JARID2: variants seen among roughly 807,000 people sequenced by gnomAD.
JARID2 encodes protein Jumonji.
JARID2 carries 21 observed loss-of-function variants against 125.6 expected under a neutral mutation model. The ratio of observed to expected loss-of-function variants is 0.17; its 90% CI spans 0.12 to 0.24. JARID2 has a LOEUF of 0.24. Ranked by LOEUF, JARID2 falls within the 10% of genes least tolerant of loss-of-function variation. JARID2 has a pLI of 1.00. For missense variants in JARID2, 1,303 were observed against 1,639.6 expected (o/e 0.79, Z 3.55); for synonymous variants, 736 against 661.6 (o/e 1.11, Z -1.73).
intron 1 of JARID2, chr6:15,247,801 G>C (rs559501424): frequency 1.0e-6 from 1 of 985,376 alleles, no homozygotes; most frequent in East Asian, 1.1e-4. Flanking sequence ...AAATAATCAA[G>C]CCCAACTTAG....
chr6:15,361,185 C>T (rs2127495467), intron 1 of JARID2, among the ~76,000 whole-genome samples: 1 of 152,308 alleles, frequency 6.6e-6, no homozygotes. Flanking sequence ...TCAGCCTTCT[C>T]TTGGCCCAGT....
chr6:15,352,801 A>G (rs889215974), intron 1 of JARID2, among the ~76,000 whole-genome samples: 2 of 152,214 alleles, frequency 1.3e-5, no homozygotes, highest in African/African-American at 2.4e-5. Context: ...GTACAGTGGA[A>G]TAAGTTTTGT....
intron 17 of JARID2, among the ~76,000 whole-genome samples, chr6:15,518,670 CAG>C (rs1771682445): frequency 1.3e-5 from 2 of 152,162 alleles, no homozygotes; most frequent in South Asian, 4.1e-4. Flanking sequence ...TTAGTAGAGA[CAG>C]GGTTTTACCA....
chr6:15,295,340 C>T (rs1268633622), intron 1 of JARID2, among the ~76,000 whole-genome samples: 1 of 152,074 alleles, frequency 6.6e-6, no homozygotes, highest in Non-Finnish European at 1.5e-5. Flanking sequence ...CCAGGATGGT[C>T]TTGATCTCCT....
chr6:15,487,218 G>A (rs1561896758), intron 5 of JARID2, 89 bp from the exon 6 acceptor site: 3 of 1,054,880 alleles, frequency 2.8e-6, no homozygotes, highest in Non-Finnish European at 2.8e-6. Context: ...ATGAGATTTG[G>A]GTGGGGACAC....
intron 3 of JARID2, among the ~76,000 whole-genome samples, chr6:15,430,227 G>T (rs571963498): frequency 6.6e-6 from 1 of 152,278 alleles, no homozygotes; most frequent in East Asian, 1.9e-4. Context: ...TTAGGTACAA[G>T]ATGTACTTTT....
At position 15,351,670 on chromosome 6, in the gene JARID2, T is replaced by C. The variant is rs707837; in HGVS notation, c.46-22447T>C. ...TTCACCACTGGATTTAATTTGCTCTTCTTGGGGAAGTGACCAATGTATGGA... is the reference window on the plus strand; with the variant it reads ...TTCACCACTGGATTTAATTTGCTCTCCTTGGGGAAGTGACCAATGTATGGA... On this transcript the variant is annotated intron_variant, in intron 1 of 17. Transcript: ENST00000341776. 1.4e-3 allele frequency among the ~76,000 whole-genome samples: 220 copies of C among 152,330 alleles called. 1 individual carries two copies. The highest frequency in any genetic ancestry group is 2.8e-3 in the Non-Finnish European group (192 of 68,030).
At position 15,405,968 on chromosome 6, in the gene JARID2, C is replaced by CG. The variant is rs551651237; in HGVS notation, c.182-4249dup. 2.4e-3 allele frequency among the ~76,000 whole-genome samples: 360 copies of CG among 151,932 alleles called. 1 individual carries two copies. The highest frequency in any genetic ancestry group is 7.9e-3 in the African/African-American group (325 of 41,394). ...CAGTACAGTGGAGATTGGTCGCCAG[C>CG]GGGGGGGTTAGATAAAGAAAAAGCC... On this transcript the variant is annotated intron_variant, in intron 2 of 17. Coordinates refer to ENST00000341776, the MANE Select transcript of JARID2 (RefSeq NM_004973.4).
intron 2 of JARID2, among the ~76,000 whole-genome samples, chr6:15,377,697 T>C (rs1046434333): frequency 7.0e-6 from 1 of 142,250 alleles, no homozygotes; most frequent in African/African-American, 2.6e-5. Context: ...ATGGTGGCAC[T>C]TTTTTTTTTT....
intron 1 of JARID2, among the ~76,000 whole-genome samples, chr6:15,341,206 A>ATT (rs1763059650): frequency 6.6e-6 from 1 of 152,216 alleles, no homozygotes; most frequent in Non-Finnish European, 1.5e-5. Context: ...ATTCATGCAG[A>ATT]AATAATGCCT....
chr6:15,419,636 TATAG>T (rs1295185993), intron 3 of JARID2, among the ~76,000 whole-genome samples: 2 of 152,206 alleles, frequency 1.3e-5, no homozygotes, highest in African/African-American at 2.4e-5. Context: ...CTTCATTTCT[TATAG>T]ATATTTTTGC....
intron 12 of JARID2, among the ~76,000 whole-genome samples, chr6:15,509,760 C>G (rs749405042): frequency 6.6e-6 from 1 of 152,170 alleles, no homozygotes; most frequent in Non-Finnish European, 1.5e-5. Flanking sequence ...GAGTTTCTTC[C>G]GTGTGGGTTT....
At chr6:15,263,074 T>TGTGTG (rs1759945321) in intron 1 of JARID2, among the ~76,000 whole-genome samples, 1 of 139,722 alleles carries the variant, frequency 7.2e-6, no homozygotes, top group South Asian at 2.3e-4. Flanking sequence ...GGGTGTGTGT[T>TGTGTG]TGTGTGTGTG....
At chr6:15,478,033 C>T (rs1479665251) in intron 5 of JARID2, among the ~76,000 whole-genome samples, 2 of 152,178 alleles carry the variant, frequency 1.3e-5, no homozygotes, top group African/African-American at 4.8e-5. Context: ...CATCCTTTCC[C>T]TGTTTCTTCT....
rs758014536 is a variant in JARID2, at chr6:15,496,372, A to C, written c.1147A>C (p.Asn383His). The C allele has an allele frequency of 6.2e-7, 1 of 1,614,182 alleles. No homozygotes were observed. Among genetic ancestry groups the C allele is most frequent in the Admixed American group, 1.7e-5 (1 of 60,032 alleles). The change falls in exon 7 of 18, where the codon AAT becomes CAT. Residue 383 changes from asparagine (N) to histidine (H), a missense_variant. By Grantham distance (68) the Asn-to-His change is moderately conservative (BLOSUM62 1). Coordinates refer to ENST00000341776, the MANE Select transcript of JARID2 (RefSeq NM_004973.4). ...AATCTCAGGGAAAACTGAAAGTAGC[A>C]ATGCAAAAACCCGCAAACAGGTGCT... is the stretch of plus-strand genomic sequence containing the variant. ...HTISGKTESS[N>H]AKTRKQVLSL...
intron 2 of JARID2, among the ~76,000 whole-genome samples, chr6:15,406,981 C>G (rs540494714): frequency 2.0e-5 from 3 of 152,024 alleles, no homozygotes; most frequent in Non-Finnish European, 4.4e-5. Flanking sequence ...TACATGAGGC[C>G]ATGTGCGGTT....
At chr6:15,468,481 C>G (rs2127675446) in intron 4 of JARID2, 61 bp from the exon 5 acceptor site, 1 of 1,421,734 alleles carries the variant, frequency 7.0e-7, no homozygotes, top group Admixed American at 2.3e-5. Context: ...TTGTGGTGTT[C>G]CTTCTGGAAA....
At chr6:15,433,946 G>C (rs866879100) in intron 3 of JARID2, among the ~76,000 whole-genome samples, 50 of 150,854 alleles carry the variant, frequency 3.3e-4, no homozygotes, top group South Asian at 2.5e-3. Flanking sequence ...GTGTGTGTGT[G>C]TGTGTGTGTG....
At chr6:15,446,996 A>G (rs909476356) in intron 3 of JARID2, among the ~76,000 whole-genome samples, 2 of 152,120 alleles carry the variant, frequency 1.3e-5, no homozygotes, top group African/African-American at 4.8e-5. Flanking sequence ...AGTGAAGGGG[A>G]TCTTATTAAG....
Sources: gnomAD v4.1 joint callset for allele counts (sites outside exome capture counted in the v4.1 genomes callset) on GRCh38, gnomAD v4.1.1 for gene constraint, MANE v1.5 for transcripts, NCBI Gene and HGNC (gene_info 2026-07-23, HGNC 2026-07-21) for gene names.